ZNF737: variants seen among roughly 807,000 people sequenced by gnomAD.
ZNF737 encodes the protein zinc finger protein 102 (Y3).
A neutral mutation model predicts 11.7 loss-of-function variants in ZNF737; 13 were observed. The observed-to-expected ratio is 1.11, with a 90% confidence interval of 0.73 to 1.77. ZNF737 has a LOEUF of 1.77. Among genes scored for constraint, ZNF737 ranks in the 40% most tolerant of loss-of-function variants. The pLI is 0.00. For synonymous variants in ZNF737, 217 were observed against 216.2 expected (o/e 1.00, Z -0.03); for missense variants, 636 against 638.0 (o/e 1.00, Z 0.03).
At chr19:20,552,198 T>A (rs1968700961) in intron 3 of ZNF737, among the ~76,000 whole-genome samples, 2 of 152,076 alleles carry the variant, frequency 1.3e-5, no homozygotes, top group Admixed American at 6.6e-5. Flanking sequence ...CTGTGCAGTA[T>A]TTTATATGCC....
rs1388175853 is a variant in ZNF737 at position 20,560,380 on chromosome 19, A to T, written c.3+5258T>A. Among the ~76,000 whole-genome samples the T allele has an allele frequency of 2.0e-5, 3 of 151,850 alleles. No homozygotes were observed. In the East Asian group the frequency reaches 5.8e-4, roughly 30 times the overall value. ...AAAATGAAATAAAAGATTTAGTCAAAATAAAATATGGTATATAAACCTCAT... is the reference window on the plus strand; with the variant it reads ...AAAATGAAATAAAAGATTTAGTCAATATAAAATATGGTATATAAACCTCAT... On this transcript the variant is annotated intron_variant, in intron 1 of 3. Coordinates refer to ENST00000427401, the MANE Select transcript of ZNF737 (RefSeq NM_001159293.2).
intron 3 of ZNF737, among the ~76,000 whole-genome samples, chr19:20,550,563 C>G (rs1211528245): frequency 2.0e-5 from 3 of 152,124 alleles, no homozygotes; most frequent in African/African-American, 7.2e-5. Context: ...TATTCCCTTA[C>G]AGCAAAACAA....
chr19:20,543,621 T>G lies in ZNF737; in HGVS notation c.*971A>C. ...AAAGTTTTGCCACATTCTTCACACT[T>G]GTAGGAGTTTTGCCAGTATGAATTA... On this transcript the variant is annotated 3_prime_UTR_variant, in exon 4 of 4. Coordinates refer to ENST00000427401, the MANE Select transcript of ZNF737 (RefSeq NM_001159293.2). The G allele has an allele frequency of 1.0e-6, 1 of 985,580 alleles. No individual in the cohort carries two copies. Among genetic ancestry groups the G allele is most frequent in the Non-Finnish European group, 1.2e-6 (1 of 829,946 alleles). 61.1% of individuals were successfully genotyped at this position (985,580 alleles called of 1,614,324 possible). A position where few individuals can be genotyped will look rare whatever the true frequency, so the allele number is the denominator to read the frequency against.
chr19:20,532,870 A>G (rs782495964), downstream of ZNF737, among the ~76,000 whole-genome samples: 1 of 149,834 alleles, frequency 6.7e-6, no homozygotes, highest in Non-Finnish European at 1.5e-5. Context: ...TGCTTCCATC[A>G]TCATCATCAT....
rs1461215648 is a variant in ZNF737 at position 20,541,032 on chromosome 19, G to GA, written c.*3559dup. ...AGAGGGCTTTTATTATTGTACTCAA[G>GA]AGAGTTGTTTCTGGAGACAAAGTTG... On this transcript the variant is annotated 3_prime_UTR_variant, in exon 4 of 4. Coordinates refer to ENST00000427401, the MANE Select transcript of ZNF737 (RefSeq NM_001159293.2). The GA allele has an allele frequency of 2.0e-6, 2 of 985,006 alleles. No homozygotes were observed. The highest frequency in any genetic ancestry group is 3.5e-5 in the African/African-American group (2 of 57,136). The allele number at this position is 985,006 out of a possible 1,614,324, so 61.0% of individuals were successfully genotyped here. A position where few individuals can be genotyped will look rare whatever the true frequency, so the allele number is the denominator to read the frequency against.
downstream of ZNF737, among the ~76,000 whole-genome samples, chr19:20,532,234 C>T (rs1555753019): frequency 1.3e-5 from 2 of 150,102 alleles, no homozygotes; most frequent in Admixed American, 1.3e-4. Context: ...TACACCTGGG[C>T]TGAGCTACTT....
At chr19:20,537,792 G>C (rs531495910), downstream of ZNF737, among the ~76,000 whole-genome samples, 15 of 152,226 alleles carry the variant, frequency 9.9e-5, no homozygotes, top group South Asian at 3.1e-3. Flanking sequence ...TGGGATTACA[G>C]GCATGAGCCA....
At chr19:20,534,727 C>T (rs1158074311), downstream of ZNF737, among the ~76,000 whole-genome samples, 15 of 149,626 alleles carry the variant, frequency 1.0e-4, no homozygotes, top group South Asian at 2.2e-4. Context: ...TTAAACTTCA[C>T]GAGATTTTAT....
At chr19:20,535,669 G>C (rs370868932), downstream of ZNF737, among the ~76,000 whole-genome samples, 1 of 151,686 alleles carries the variant, frequency 6.6e-6, no homozygotes. Flanking sequence ...GGGATTACAG[G>C]CATGTGCCAC....
Position 20,545,595 on chromosome 19 carries a change from C to T in ZNF737, c.608G>A (p.Cys203Tyr), listed in dbSNP as rs371741308. 2.5e-6 allele frequency: 4 copies of T among 1,613,850 alleles called. No homozygotes were observed. Among genetic ancestry groups the T allele is most frequent in the South Asian group, 1.1e-5 (1 of 91,060 alleles). ...GTTGAAGGCTTTGCCACATTCTTCA[C>T]ATTTGAAGGGTTTCTCCCCAGTATG... ...KIHTGEKPFK[C>Y]EECGKAFNWS... Residue 203 changes from cysteine (C) to tyrosine (Y), a missense_variant, in exon 4 of 4, where the codon TGT (cysteine) becomes TAT (tyrosine). Coordinates refer to ENST00000427401, the MANE Select transcript of ZNF737 (RefSeq NM_001159293.2).
intron 1 of ZNF737, among the ~76,000 whole-genome samples, chr19:20,562,479 C>G (rs2082012): frequency 0.76 from 115,540 of 151,558 alleles, 44,107 homozygotes; most frequent in East Asian, 0.82. Flanking sequence ...TCATGAGTAG[C>G]TGGGATTACA....
chr19:20,565,737 A>AGT lies in ZNF737; in HGVS notation c.-98_-97insAC. 6.3e-7 allele frequency: 1 copy of AGT among 1,576,038 alleles called. No homozygotes were observed. Among genetic ancestry groups the AGT allele is most frequent in the Non-Finnish European group, 8.7e-7 (1 of 1,145,348 alleles). On this transcript the variant is annotated 5_prime_UTR_variant, in exon 1 of 4. Transcript: ENST00000427401. The stretch of plus-strand genomic sequence containing the variant: ...GAGGCTGGGCCTCTAGGAGCAGAGG[A>AGT]CACACAGCAGTGAAGACAAGACCTG...
intron 2 of ZNF737, among the ~76,000 whole-genome samples, chr19:20,553,300 C>G (rs1968763509): frequency 6.6e-6 from 1 of 151,862 alleles, no homozygotes; most frequent in Admixed American, 6.6e-5. Flanking sequence ...GCTCTGTTGC[C>G]TGGGCTGGAG....
At chr19:20,557,417 G>A (rs1056702656) in intron 1 of ZNF737, among the ~76,000 whole-genome samples, 1 of 149,890 alleles carries the variant, frequency 6.7e-6, no homozygotes, top group Non-Finnish European at 1.5e-5. Flanking sequence ...CTCAGGGTGA[G>A]GACCCTATGT....
Position 20,553,811 on chromosome 19 carries a change from C to G in ZNF737, c.28G>C (p.Ala10Pro), listed in dbSNP as rs1968785738. 1.2e-6 allele frequency: 2 copies of G among 1,613,678 alleles called. No homozygotes were observed. The highest frequency in any genetic ancestry group is 2.7e-5 in the African/African-American group (2 of 74,896). ...CACTCCTCCAGAGAGAATTCTATGG[C>G]CACGTCTCTAAATTGCAATGGCCCC... Reference protein sequence around the residue: MGPLQFRDVAIEFSLEEWHC... With the variant: MGPLQFRDVPIEFSLEEWHC... Residue 10 changes from alanine to proline, a missense_variant, in exon 2 of 4, where the codon GCC (alanine) becomes CCC (proline). By Grantham distance (27) the Ala-to-Pro change is conservative (BLOSUM62 -1). Transcript: ENST00000427401.
Position 20,543,909 on chromosome 19 carries a change from C to A in ZNF737, c.*683G>T, listed in dbSNP as rs998462615. 1.1e-4 allele frequency: 95 copies of A among 903,366 alleles called. No homozygotes were observed. The highest frequency in any genetic ancestry group is 1.2e-4 in the Non-Finnish European group (91 of 755,956). 56.0% of individuals were successfully genotyped at this position (903,366 alleles called of 1,614,324 possible). Reference sequence around the variant, plus strand: ...TTAGGAGGCCAAGGTGGGTGGATCACCTGAGGTCAGGAGTTCGAGACCAGC... The same window carrying A: ...TTAGGAGGCCAAGGTGGGTGGATCAACTGAGGTCAGGAGTTCGAGACCAGC... On this transcript the variant is annotated 3_prime_UTR_variant, in exon 4 of 4. Transcript: ENST00000427401.
chr19:20,563,527 C>T (rs1484827759), intron 1 of ZNF737, among the ~76,000 whole-genome samples: 2 of 147,526 alleles, frequency 1.4e-5, no homozygotes, highest in Non-Finnish European at 3.0e-5. Flanking sequence ...ACCCTGTGGC[C>T]CAGGCTGGAG....
Position 20,544,955 on chromosome 19 carries a change from C to G in ZNF737, c.1248G>C (p.Lys416Asn), listed in dbSNP as rs782233539. Residue 416 changes from lysine to asparagine, a missense_variant, in exon 4 of 4, where the codon AAG becomes AAC. Lys to Asn is a moderately conservative substitution (Grantham distance 94, BLOSUM62 0). Coordinates refer to ENST00000427401, the MANE Select transcript of ZNF737 (RefSeq NM_001159293.2). ...FKYSSSLTTH[K>N]IIHTGQQPFK... ...AGGGTTGCTGTCCAGTATGGATTAT[C>G]TTATGTGTAGTAAGGGAAGAGGAGT... 6.2e-7 allele frequency: 1 copy of G among 1,612,860 alleles called. No homozygotes were observed. Among genetic ancestry groups the G allele is most frequent in the Non-Finnish European group, 8.5e-7 (1 of 1,179,568 alleles).
rs1555755574 is a variant in ZNF737 at position 20,543,427 on chromosome 19, G to C, written c.*1165C>G. 3.3e-5 allele frequency: 33 copies of C among 985,924 alleles called. No individual in the cohort carries two copies. Among genetic ancestry groups the C allele is most frequent in the Non-Finnish European group, 3.5e-5 (29 of 829,530 alleles). 61.1% of individuals were successfully genotyped at this position (985,924 alleles called of 1,614,324 possible). ...TTCTTCACTTTAAAGGCTTATACTT[G>C]CTGAAAGTTTTGACAGTAATTGCCA... On this transcript the variant is annotated 3_prime_UTR_variant, in exon 4 of 4. Transcript: ENST00000427401.
Sources: allele counts gnomAD v4.1 joint callset (sites outside exome capture counted in the v4.1 genomes callset), GRCh38; gene constraint gnomAD v4.1.1; transcripts MANE v1.5; gene names NCBI Gene and HGNC (gene_info 2026-07-23, HGNC 2026-07-21).